LRP1B: variants seen among roughly 807,000 people sequenced by gnomAD.
LRP1B encodes the protein LDL receptor related protein 1B.
A neutral mutation model predicts 556.6 loss-of-function variants in LRP1B; 217 were observed. The observed-to-expected ratio is 0.39, with a 90% confidence interval of 0.35 to 0.44. The LOEUF is 0.44. Among genes scored for constraint, LRP1B ranks in the 20% least tolerant of loss-of-function variants. LRP1B has a pLI of 1.00. For missense variants in LRP1B, 5,053 were observed against 5,620.8 expected, an observed-to-expected ratio of 0.90 and a Z score of 3.23; for synonymous variants, 2,047 against 1,865.8, an observed-to-expected ratio of 1.10 and a Z score of -2.50.
At chr2:140,333,350 C>CT (rs1441611635) in intron 79 of LRP1B, among the ~76,000 whole-genome samples, 1 of 152,044 alleles carries the variant, frequency 6.6e-6, no homozygotes, top group Non-Finnish European at 1.5e-5. Flanking sequence ...AATACATATT[C>CT]TATCCTCTAT....
At chr2:141,987,613 G>C (rs374736627) in intron 1 of LRP1B, among the ~76,000 whole-genome samples, 2 of 150,586 alleles carry the variant, frequency 1.3e-5, no homozygotes, top group African/African-American at 4.9e-5. Context: ...TAGGGTTTGG[G>C]AGGGAATGAA....
chr2:141,863,172 A>G (rs1392826937), intron 1 of LRP1B, among the ~76,000 whole-genome samples: 1 of 152,200 alleles, frequency 6.6e-6, no homozygotes, highest in Non-Finnish European at 1.5e-5. Flanking sequence ...AAACTTCTAT[A>G]GCACCAAACA....
chr2:141,413,307 T>C (rs76409881), intron 3 of LRP1B, among the ~76,000 whole-genome samples: 6,076 of 152,214 alleles, frequency 0.04, 169 homozygotes, highest in South Asian at 0.089. Flanking sequence ...TCCTTAAACA[T>C]GGAGAACATT....
At chr2:141,040,079 G>A (rs957047098) in intron 11 of LRP1B, among the ~76,000 whole-genome samples, 8 of 152,132 alleles carry the variant, frequency 5.3e-5, no homozygotes, top group African/African-American at 1.9e-4. Context: ...TGCAAATGTT[G>A]ACAAATATCT....
intron 2 of LRP1B, among the ~76,000 whole-genome samples, chr2:141,700,027 A>G (rs1406943541): frequency 6.6e-6 from 1 of 151,468 alleles, no homozygotes; most frequent in Non-Finnish European, 1.5e-5. Flanking sequence ...TATGAGGTTT[A>G]GTGTGAGAAC....
At position 140,997,557 on chromosome 2, in the gene LRP1B, A is replaced by AT. The variant is rs138831130; in HGVS notation, c.2504-3423dup. Reference sequence around the variant, plus strand: ...CAGTGTGGTGATCTATTCTAAATTAATTTTTCCCTCAATTGATGCTTTGCT... The same window carrying AT: ...CAGTGTGGTGATCTATTCTAAATTAATTTTTTCCCTCAATTGATGCTTTGCT... On this transcript the variant is annotated intron_variant, in intron 15 of 90. Transcript: ENST00000389484. Among the ~76,000 whole-genome samples the AT allele has an allele frequency of 3.5e-3, 531 of 151,838 alleles. 4 individuals carry two copies. Among genetic ancestry groups the AT allele is most frequent in the African/African-American group, 0.012 (514 of 41,434 alleles).
intron 1 of LRP1B, among the ~76,000 whole-genome samples, chr2:142,032,871 T>C (rs1195045538): frequency 6.6e-6 from 1 of 151,822 alleles, no homozygotes; most frequent in African/African-American, 2.4e-5. Context: ...ATTCTCTCAG[T>C]TGCTAGCTGA....
intron 3 of LRP1B, among the ~76,000 whole-genome samples, chr2:141,412,522 T>C (rs1207130890): frequency 2.6e-5 from 4 of 152,080 alleles, no homozygotes; most frequent in African/African-American, 9.7e-5. Flanking sequence ...ATAATAGTCA[T>C]AATCAAGTAT....
chr2:141,254,655 A>G lies in LRP1B; in HGVS notation c.344-14T>C. ...TGGATAACAGTTCTGTAGAGAAAAA[A>G]CAAATATATTCTCTATATTTAACTG... is the stretch of plus-strand genomic sequence containing the variant. On this transcript the variant is annotated splice_polypyrimidine_tract_variant and intron_variant, in intron 3 of 90. Transcript: ENST00000389484. 4 of 1,586,418 alleles carry G rather than the reference A, an allele frequency of 2.5e-6. No individual in the cohort carries two copies. Among genetic ancestry groups the G allele is most frequent in the South Asian group, 1.1e-5 (1 of 89,788 alleles).
At chr2:141,523,630 T>G (rs188689887) in intron 2 of LRP1B, among the ~76,000 whole-genome samples, 14 of 152,230 alleles carry the variant, frequency 9.2e-5, no homozygotes, top group African/African-American at 3.1e-4. Flanking sequence ...ATTTCAAAAT[T>G]CCCCTTCCTT....
Position 140,501,824 on chromosome 2 carries a change from G to T in LRP1B, c.8713C>A (p.Pro2905Thr), listed in dbSNP as rs751149662. 9 of 1,610,614 alleles carry T rather than the reference G, an allele frequency of 5.6e-6. No individual in the cohort carries two copies. The highest frequency in any genetic ancestry group is 2.7e-5 in the African/African-American group (2 of 74,754). ...FFMCKNGRCI[P>T]SGGLCDNKDD... Reference sequence around the variant, plus strand: ...TTATTGTCGCAAAGACCTCCACTGGGAATGCACCTGCCATTTTTGCACATA... The same window carrying T: ...TTATTGTCGCAAAGACCTCCACTGGTAATGCACCTGCCATTTTTGCACATA... The change falls in exon 55 of 91, where the codon CCC becomes ACC. Residue 2905 changes from proline to threonine, a missense_variant. Around this residue, in one of 5 missense-constraint regions of LRP1B, gnomAD observed 3,619 missense variants for 3,931.9 expected, o/e 0.92. Coordinates refer to ENST00000389484, the MANE Select transcript of LRP1B (RefSeq NM_018557.3).
At chr2:141,781,229 A>G (rs1448351597) in intron 2 of LRP1B, among the ~76,000 whole-genome samples, 1 of 152,160 alleles carries the variant, frequency 6.6e-6, no homozygotes, top group Non-Finnish European at 1.5e-5. Context: ...TATTTTTGAG[A>G]CAAGGTATGG....
chr2:140,964,107 A>T, intron 18 of LRP1B, among the ~76,000 whole-genome samples: 1 of 152,054 alleles, frequency 6.6e-6, no homozygotes, highest in Admixed American at 6.5e-5. Flanking sequence ...TCCACTGGAC[A>T]GGGGGCCCTT....
At chr2:140,512,110 TAGAA>T (rs1332168908) in intron 51 of LRP1B, among the ~76,000 whole-genome samples, 1 of 152,194 alleles carries the variant, frequency 6.6e-6, no homozygotes, top group Non-Finnish European at 1.5e-5. Flanking sequence ...GCAGTCATAA[TAGAA>T]AGAGCCCCGA....
At chr2:140,597,090 T>G (rs942081112) in intron 43 of LRP1B, among the ~76,000 whole-genome samples, 1 of 152,184 alleles carries the variant, frequency 6.6e-6, no homozygotes, top group East Asian at 1.9e-4. Context: ...TTTTAAAAAT[T>G]AATTTGAATT....
chr2:141,035,085 TTC>T (rs1284789966), intron 11 of LRP1B, among the ~76,000 whole-genome samples: 4 of 152,060 alleles, frequency 2.6e-5, no homozygotes, highest in Non-Finnish European at 5.9e-5. Flanking sequence ...GAAATCATCA[TTC>T]TCAGCAAACT....
At chr2:141,302,441 A>G (rs1301791756) in intron 3 of LRP1B, among the ~76,000 whole-genome samples, 1 of 152,100 alleles carries the variant, frequency 6.6e-6, no homozygotes, top group Non-Finnish European at 1.5e-5. Context: ...CTAACTGCTC[A>G]CTTCAGTTAC....
chr2:140,708,523 CAT>C (rs1313222555), intron 37 of LRP1B, among the ~76,000 whole-genome samples: 1 of 150,926 alleles, frequency 6.6e-6, no homozygotes, highest in Non-Finnish European at 1.5e-5. Context: ...TATATACACA[CAT>C]ATATAATATT....
At chr2:141,594,702 T>G (rs1423788655) in intron 2 of LRP1B, among the ~76,000 whole-genome samples, 1 of 152,156 alleles carries the variant, frequency 6.6e-6, no homozygotes, top group African/African-American at 2.4e-5. Context: ...TCAAATAAAT[T>G]TCTTCCTTTA....
Sources: gnomAD v4.1 joint callset for allele counts (sites outside exome capture counted in the v4.1 genomes callset) on GRCh38, gnomAD v4.1.1 for gene constraint, gnomAD v4.1.1 regional missense constraint, MANE v1.5 for transcripts, NCBI Gene and HGNC (gene_info 2026-07-23, HGNC 2026-07-21) for gene names.